Variants in SDK1 observed in about 807,000 individuals in gnomAD.
SDK1 encodes sidekick cell adhesion molecule 1.
SDK1 carries 157 observed loss-of-function variants against 245.5 expected under a neutral mutation model. The ratio of observed to expected loss-of-function variants is 0.64; its 90% CI spans 0.56 to 0.73. SDK1 has a LOEUF of 0.73. Ranked by LOEUF, SDK1 falls within the 30% of genes least tolerant of loss-of-function variation. The pLI is 0.00. For missense variants in SDK1, 3,583 were observed against 3,002.3 expected, an observed-to-expected ratio of 1.19 and a Z score of -4.52; for synonymous variants, 1,647 against 1,278.5, an observed-to-expected ratio of 1.29 and a Z score of -6.15.
intron 1 of SDK1, among the ~76,000 whole-genome samples, chr7:3,542,459 T>A (rs1779080260): frequency 6.6e-6 from 1 of 152,080 alleles, no homozygotes; most frequent in South Asian, 2.1e-4. Flanking sequence ...CTTTCCTCTT[T>A]CAGAGAGAAG....
chr7:3,969,345 C>G lies in SDK1; in HGVS notation c.1635C>G (p.Ile545Met), dbSNP rs1468435757. 6 of 1,611,380 alleles carry G rather than the reference C, an allele frequency of 3.7e-6. No homozygotes were observed. Among genetic ancestry groups the G allele is most frequent in the Non-Finnish European group, 5.1e-6 (6 of 1,178,864 alleles). Residue 545 changes from isoleucine to methionine, a missense_variant, in exon 11 of 45, where the codon ATC (isoleucine) becomes ATG (methionine). Ile to Met is a conservative substitution (Grantham distance 10, BLOSUM62 1). Transcript: ENST00000404826. The stretch of plus-strand genomic sequence containing the variant: ...GTCTACAGATCGCGCCCGTCTTCAT[C>G]CAGGATGCCGGCAACTACACCTGCT... Reference protein sequence around the residue: ...SGGLQIAPVFIQDAGNYTCYA... With the variant: ...SGGLQIAPVFMQDAGNYTCYA...
intron 1 of SDK1, among the ~76,000 whole-genome samples, chr7:3,359,422 A>G (rs1002673988): frequency 6.6e-6 from 1 of 152,202 alleles, no homozygotes; most frequent in African/African-American, 2.4e-5. Flanking sequence ...AATATGGCCA[A>G]TATCTTAGGG....
intron 1 of SDK1, among the ~76,000 whole-genome samples, chr7:3,313,757 T>C (rs1779602877): frequency 6.6e-6 from 1 of 152,228 alleles, no homozygotes; most frequent in African/African-American, 2.4e-5. Flanking sequence ...ACATGGTGAC[T>C]ATAATTAATG....
chr7:3,910,350 T>C (rs1446681680), intron 5 of SDK1, among the ~76,000 whole-genome samples: 2 of 152,330 alleles, frequency 1.3e-5, no homozygotes, highest in Non-Finnish European at 2.9e-5. Flanking sequence ...AACAGTATTA[T>C]GTGTACAAAG....
intron 1 of SDK1, among the ~76,000 whole-genome samples, chr7:3,383,279 C>CAT (rs1228643940): frequency 3.3e-5 from 5 of 152,054 alleles, no homozygotes. Context: ...GGTGTGGTGG[C>CAT]ATGTGCCTGT....
chr7:4,050,981 CTATATATGT>C (rs1434868121), intron 18 of SDK1, among the ~76,000 whole-genome samples: 8 of 138,166 alleles, frequency 5.8e-5, no homozygotes, highest in Middle Eastern at 4.0e-3. Context: ...TATATATATG[CTATATATGT>C]TATATATGTT....
chr7:3,903,523 G>A (rs1032957191), intron 5 of SDK1, among the ~76,000 whole-genome samples: 1 of 152,136 alleles, frequency 6.6e-6, no homozygotes, highest in African/African-American at 2.4e-5. Flanking sequence ...ATTGTTTATA[G>A]GATTGTAAAA....
chr7:3,680,923 A>G (rs1253277127), intron 4 of SDK1, among the ~76,000 whole-genome samples: 4 of 152,034 alleles, frequency 2.6e-5, no homozygotes, highest in African/African-American at 4.8e-5. Flanking sequence ...GCTCACTGCA[A>G]CCTCCACCTC....
intron 5 of SDK1, among the ~76,000 whole-genome samples, chr7:3,888,808 G>A (rs780559766): frequency 2.5e-4 from 38 of 152,148 alleles, no homozygotes; most frequent in Non-Finnish European, 4.3e-4. Context: ...TGCAGATTTC[G>A]CAAGGTTTTC....
At chr7:3,943,101 C>A (rs911926971) in intron 5 of SDK1, among the ~76,000 whole-genome samples, 1 of 152,238 alleles carries the variant, frequency 6.6e-6, no homozygotes, top group African/African-American at 2.4e-5. Context: ...ACACGGAAGA[C>A]AGTGGTTTTA....
chr7:3,438,532 C>A (rs1780095884), intron 1 of SDK1, among the ~76,000 whole-genome samples: 1 of 152,134 alleles, frequency 6.6e-6, no homozygotes, highest in Non-Finnish European at 1.5e-5. Context: ...CATGAAGTGT[C>A]CATTGTGAAG....
chr7:3,753,196 A>G (rs1350809079), intron 4 of SDK1, among the ~76,000 whole-genome samples: 1 of 152,188 alleles, frequency 6.6e-6, no homozygotes, highest in Admixed American at 6.5e-5. Context: ...AAATTTCATG[A>G]CTGTTTTTCA....
intron 1 of SDK1, among the ~76,000 whole-genome samples, chr7:3,558,107 A>T (rs1234638889): frequency 6.6e-6 from 1 of 151,506 alleles, no homozygotes; most frequent in Non-Finnish European, 1.5e-5. Context: ...TAAAGCCAGC[A>T]TATTCTATTG....
chr7:3,628,010 A>G (rs182736717), intron 2 of SDK1, among the ~76,000 whole-genome samples: 10 of 152,154 alleles, frequency 6.6e-5, no homozygotes, highest in Admixed American at 2.6e-4. Context: ...TCCCTATTCA[A>G]AGTTAAGGAC....
At chr7:3,679,788 C>G (rs1483746275) in intron 4 of SDK1, among the ~76,000 whole-genome samples, 1 of 152,144 alleles carries the variant, frequency 6.6e-6, no homozygotes, top group Non-Finnish European at 1.5e-5. Context: ...TGGGATCAGT[C>G]CTGTATTGCT....
chr7:4,104,868 A>ATT (rs150460698), intron 22 of SDK1, among the ~76,000 whole-genome samples: 3 of 149,740 alleles, frequency 2.0e-5, no homozygotes, highest in African/African-American at 7.4e-5. Flanking sequence ...TGCCTGGCTA[A>ATT]TTTTTTTTTT....
rs1783922228 is a variant in SDK1 at position 3,987,186 on chromosome 7, T to G, written c.1995T>G (p.Ile665Met). 6.2e-7 allele frequency: 1 copy of G among 1,613,536 alleles called. No individual in the cohort carries two copies. ...TCCTTTTCATCCCATTCAATTCAAG[T>G]GAACTGCCTCATTCACCTCAGAACC... ...NDSRMARLEV[I>M]ELPHSPQNLL... The change falls in exon 14 of 45, where the codon ATT (isoleucine) becomes ATG (methionine). Residue 665 changes from isoleucine (I) to methionine (M), a missense_variant and splice_region_variant. Coordinates refer to ENST00000404826, the MANE Select transcript of SDK1 (RefSeq NM_152744.4).
At chr7:3,526,459 C>G (rs1783136307) in intron 1 of SDK1, among the ~76,000 whole-genome samples, 1 of 152,132 alleles carries the variant, frequency 6.6e-6, no homozygotes, top group Admixed American at 6.6e-5. Context: ...TGTGTCAGCT[C>G]CCTTTCTATA....
intron 1 of SDK1, among the ~76,000 whole-genome samples, chr7:3,615,272 C>T (rs1488869168): frequency 1.3e-5 from 2 of 151,542 alleles, no homozygotes; most frequent in Admixed American, 6.6e-5. Flanking sequence ...TCAAAGCTAC[C>T]TCCATTGCAG....
Sources: gnomAD v4.1 joint callset for allele counts (sites outside exome capture counted in the v4.1 genomes callset) on GRCh38, gnomAD v4.1.1 for gene constraint, MANE v1.5 for transcripts, NCBI Gene and HGNC (gene_info 2026-07-23, HGNC 2026-07-21) for gene names.